Variants in WDSUB1 observed in about 807,000 individuals in gnomAD.
WDSUB1 encodes the protein WD repeat, sterile alpha motif and U-box domain containing 1.
Under a neutral mutation model 53.9 loss-of-function variants are expected in WDSUB1, and 49 were observed. That is an observed-to-expected ratio of 0.91 (90% CI 0.72 to 1.15). The LOEUF is 1.15. Ranked by LOEUF, WDSUB1 falls within the 50% of genes most tolerant of loss-of-function variation. The probability of loss-of-function intolerance (pLI) is 0.00; values close to 1 mark genes in which losing one functional copy is unlikely to be tolerated. For synonymous variants in WDSUB1, 194 were observed against 200.6 expected (o/e 0.97, Z 0.28); for missense variants, 514 against 562.0 (o/e 0.91, Z 0.86).
Position 159,256,295 on chromosome 2 carries a change from C to A in WDSUB1, c.1033G>T (p.Asp345Tyr). Residue 345 changes from aspartate (D) to tyrosine (Y), a missense_variant, in exon 9 of 11, where the codon GAT (aspartate) becomes TAT (tyrosine). Asp to Tyr is a radical substitution (Grantham distance 160). Transcript: ENST00000359774. ...AAAATACCAACAAGATCTTTTAAATCTTGTGCACAAAGCCATGTTGAGACA... is the reference window on the plus strand; with the variant it reads ...AAAATACCAACAAGATCTTTTAAATATTGTGCACAAAGCCATGTTGAGACA... The part of the protein sequence containing the change: ...EDVSTWLCAQ[D>Y]LKDLVGIFKM... The A allele has an allele frequency of 1.2e-6, 2 of 1,612,516 alleles. No individual in the cohort carries two copies. The highest frequency in any genetic ancestry group is 1.1e-5 in the South Asian group (1 of 90,600).
chr2:159,263,388 G>C (rs2061266754), intron 5 of WDSUB1, among the ~76,000 whole-genome samples: 1 of 152,196 alleles, frequency 6.6e-6, no homozygotes, highest in Admixed American at 6.5e-5. Context: ...TGAAGAACCT[G>C]AAGGGGAAGA....
chr2:159,237,475 C>A (rs975134406), intron 10 of WDSUB1, among the ~76,000 whole-genome samples: 4 of 151,592 alleles, frequency 2.6e-5, no homozygotes, highest in African/African-American at 9.7e-5. Context: ...GAGCTGAGAT[C>A]GCACCACTGC....
intron 10 of WDSUB1, among the ~76,000 whole-genome samples, chr2:159,247,927 A>G (rs1305240512): frequency 2.9e-5 from 2 of 68,934 alleles, no homozygotes; most frequent in Non-Finnish European, 4.3e-5. Flanking sequence ...ATATATATAT[A>G]AATATATATA....
intron 10 of WDSUB1, among the ~76,000 whole-genome samples, chr2:159,240,404 A>C (rs2060613181): frequency 6.6e-6 from 1 of 152,184 alleles, no homozygotes; most frequent in Non-Finnish European, 1.5e-5. Context: ...AATTGTAATA[A>C]CTTTCTGAAG....
intron 5 of WDSUB1, among the ~76,000 whole-genome samples, chr2:159,263,737 A>G (rs1024788573): frequency 2.0e-5 from 3 of 152,190 alleles, no homozygotes; most frequent in Non-Finnish European, 4.4e-5. Flanking sequence ...GCTGTTCTGT[A>G]ATGCTGCTTA....
chr2:159,260,957 T>C (rs963897459), intron 5 of WDSUB1, among the ~76,000 whole-genome samples: 17 of 152,350 alleles, frequency 1.1e-4, no homozygotes, highest in African/African-American at 3.8e-4. Flanking sequence ...CCCTCCAATG[T>C]TGATGATGGA....
At chr2:159,285,140 A>ACTGT (rs1490377358) in intron 1 of WDSUB1, among the ~76,000 whole-genome samples, 3 of 152,174 alleles carry the variant, frequency 2.0e-5, no homozygotes, top group African/African-American at 7.2e-5. Flanking sequence ...ACCATGTAAA[A>ACTGT]CTGTCAGGCA....
chr2:159,272,280 A>T (rs1373858006), intron 4 of WDSUB1, among the ~76,000 whole-genome samples: 1 of 152,212 alleles, frequency 6.6e-6, no homozygotes, highest in Non-Finnish European at 1.5e-5. Context: ...CAGAAACATG[A>T]TCACTAACCC....
chr2:159,251,112 A>T (rs991375251), intron 9 of WDSUB1, among the ~76,000 whole-genome samples: 1 of 148,472 alleles, frequency 6.7e-6, no homozygotes, highest in Non-Finnish European at 1.5e-5. Flanking sequence ...AAAAAATTTT[A>T]AAAATTAGCT....
intron 1 of WDSUB1, among the ~76,000 whole-genome samples, chr2:159,283,815 TTTTTG>T (rs544838346): frequency 6.6e-6 from 1 of 152,062 alleles, no homozygotes; most frequent in African/African-American, 2.4e-5. Context: ...CTATGTTTTG[TTTTTG>T]TTTTGTTTTG....
chr2:159,260,907 G>A (rs1005362634), intron 5 of WDSUB1, among the ~76,000 whole-genome samples: 2 of 152,146 alleles, frequency 1.3e-5, no homozygotes, highest in African/African-American at 4.8e-5. Context: ...TCTGACCACA[G>A]GATTCACACC....
intron 5 of WDSUB1, among the ~76,000 whole-genome samples, chr2:159,260,819 A>G (rs1354156055): frequency 6.6e-6 from 1 of 152,228 alleles, no homozygotes; most frequent in Non-Finnish European, 1.5e-5. Flanking sequence ...CTACAAGGTG[A>G]AAAAACATCT....
At chr2:159,274,307 C>A (rs1381307577) in intron 4 of WDSUB1, among the ~76,000 whole-genome samples, 1 of 152,116 alleles carries the variant, frequency 6.6e-6, no homozygotes, top group Non-Finnish European at 1.5e-5. Flanking sequence ...AGTTCAAGAC[C>A]ATCCTGAGAA....
chr2:159,245,532 C>A (rs1469698950), intron 10 of WDSUB1, among the ~76,000 whole-genome samples: 73 of 131,320 alleles, frequency 5.6e-4, no homozygotes, highest in South Asian at 7.7e-4. Context: ...GACTCTGTCT[C>A]AAAAAAAAAA....
At chr2:159,248,779 T>C (rs553238984) in intron 9 of WDSUB1, among the ~76,000 whole-genome samples, 1 of 152,314 alleles carries the variant, frequency 6.6e-6, no homozygotes, top group South Asian at 2.1e-4. Flanking sequence ...TTAATTTATG[T>C]ATTTTCTGTA....
At chr2:159,263,009 A>G (rs949036563) in intron 5 of WDSUB1, among the ~76,000 whole-genome samples, 1 of 152,194 alleles carries the variant, frequency 6.6e-6, no homozygotes, top group South Asian at 2.1e-4. Flanking sequence ...CTCCATTCCT[A>G]CAGTTTTGTG....
At chr2:159,275,299 G>C (rs1450660491) in intron 4 of WDSUB1, among the ~76,000 whole-genome samples, 3 of 152,192 alleles carry the variant, frequency 2.0e-5, no homozygotes, top group Admixed American at 6.5e-5. Context: ...CCACAAAGGA[G>C]TTGAAATCAA....
chr2:159,254,386 C>T (rs989352143), intron 9 of WDSUB1, among the ~76,000 whole-genome samples: 2 of 152,034 alleles, frequency 1.3e-5, no homozygotes, highest in African/African-American at 4.8e-5. Flanking sequence ...GTAGTGAGAC[C>T]TCATCTCTAC....
At chr2:159,256,480 T>A (rs544378809) in intron 8 of WDSUB1, 105 bp from the exon 9 acceptor site, 4 of 1,212,602 alleles carry the variant, frequency 3.3e-6, no homozygotes, top group African/African-American at 3.1e-5. Context: ...ATCTGTGTTT[T>A]ATAGCTAGGT....
Sources: gnomAD v4.1 joint callset for allele counts (sites outside exome capture counted in the v4.1 genomes callset) on GRCh38, gnomAD v4.1.1 for gene constraint, MANE v1.5 for transcripts, NCBI Gene and HGNC (gene_info 2026-07-23, HGNC 2026-07-21) for gene names.